ZNF385D: variants seen among roughly 807,000 people sequenced by gnomAD.
ZNF385D encodes zinc finger protein 659.
ZNF385D carries 15 observed loss-of-function variants against 35.8 expected under a neutral mutation model. The observed-to-expected ratio is 0.42, with a 90% CI of 0.28 to 0.64. The LOEUF (loss-of-function observed/expected upper bound fraction) is 0.64. Ranked by LOEUF, ZNF385D falls within the 30% of genes least tolerant of loss-of-function variation. ZNF385D has a pLI of 0.23. For missense variants in ZNF385D, 474 were observed against 494.6 expected (o/e 0.96, Z 0.39); for synonymous variants, 212 against 186.8 (o/e 1.13, Z -1.10).
upstream of ZNF385D, chr3:21,751,352 G>A (rs550189173): frequency 1.7e-5 from 18 of 1,046,790 alleles, no homozygotes; most frequent in African/African-American, 2.6e-4. Flanking sequence ...GGGAAGGGGC[G>A]GAGTGAGGGG....
exon 2 of ZNF385D, chr3:22,372,539 C>A: frequency 1.0e-6 from 1 of 985,862 alleles, no homozygotes; most frequent in Non-Finnish European, 1.2e-6. Flanking sequence ...GGCCGCCCGG[C>A]GCCCTGGCCC....
chr3:22,363,526 A>T (rs1696513235), intron 2 of ZNF385D, among the ~76,000 whole-genome samples: 1 of 152,188 alleles, frequency 6.6e-6, no homozygotes, highest in Admixed American at 6.5e-5. Flanking sequence ...GATGTTGTTC[A>T]CAGGGCCATT....
chr3:21,489,061 T>A (rs768110562), intron 4 of ZNF385D, among the ~76,000 whole-genome samples: 2 of 152,142 alleles, frequency 1.3e-5, no homozygotes, highest in Admixed American at 6.6e-5. Flanking sequence ...TAATGCTCTC[T>A]TTTGCTTTTA....
intron 2 of ZNF385D, among the ~76,000 whole-genome samples, chr3:21,624,221 GA>G (rs771672298): frequency 2.1e-4 from 32 of 151,970 alleles, no homozygotes; most frequent in Admixed American, 4.6e-4. Flanking sequence ...CACAGTTTTG[GA>G]AATTACAGTT....
chr3:21,469,055 G>A (rs1165210755), intron 4 of ZNF385D, among the ~76,000 whole-genome samples: 4 of 152,188 alleles, frequency 2.6e-5, no homozygotes, highest in Admixed American at 1.3e-4. Flanking sequence ...CTGTGCATGA[G>A]TAAAATTTCT....
intron 3 of ZNF385D, among the ~76,000 whole-genome samples, chr3:21,958,314 T>A (rs1702395368): frequency 1.3e-5 from 2 of 152,134 alleles, no homozygotes; most frequent in African/African-American, 4.8e-5. Context: ...AACATGGGCT[T>A]TGCTGTCAGG....
intron 3 of ZNF385D, among the ~76,000 whole-genome samples, chr3:21,886,498 T>C (rs1355958594): frequency 6.6e-6 from 1 of 152,102 alleles, no homozygotes; most frequent in Non-Finnish European, 1.5e-5. Context: ...CTGCTCATTG[T>C]GACTAACTCT....
At chr3:21,849,756 G>A in intron 3 of ZNF385D, 1 of 151,504 alleles carries the variant, frequency 6.6e-6, no homozygotes, top group East Asian at 1.9e-4. Context: ...TTTTCTAATT[G>A]AATATTATTG....
chr3:21,455,879 A>C (rs1287932017), intron 4 of ZNF385D, among the ~76,000 whole-genome samples: 3 of 150,954 alleles, frequency 2.0e-5, no homozygotes, highest in African/African-American at 4.8e-5. Context: ...CAATGAACTC[A>C]AACAAATTTA....
chr3:22,216,009 C>T (rs1451507493), intron 2 of ZNF385D, among the ~76,000 whole-genome samples: 2 of 152,000 alleles, frequency 1.3e-5, no homozygotes, highest in Admixed American at 1.3e-4. Flanking sequence ...TGGAATTGCT[C>T]CCAGTTCTGC....
chr3:22,317,168 T>C (rs1703935203), intron 2 of ZNF385D, among the ~76,000 whole-genome samples: 1 of 147,840 alleles, frequency 6.8e-6, no homozygotes, highest in African/African-American at 2.5e-5. Flanking sequence ...TTCCAGCTAC[T>C]CAGGAGGCTG....
At chr3:22,143,325 C>G (rs1468486250) in intron 3 of ZNF385D, among the ~76,000 whole-genome samples, 1 of 152,094 alleles carries the variant, frequency 6.6e-6, no homozygotes, top group African/African-American at 2.4e-5. Flanking sequence ...ACCTCCTGAT[C>G]TGCCCGCCTC....
intron 2 of ZNF385D, among the ~76,000 whole-genome samples, chr3:22,318,071 A>T (rs892955437): frequency 2.0e-5 from 3 of 152,096 alleles, no homozygotes; most frequent in African/African-American, 7.2e-5. Context: ...AAGAAAAAAA[A>T]AAAAATGTGA....
chr3:21,915,160 T>G (rs1239475866), intron 3 of ZNF385D, among the ~76,000 whole-genome samples: 1 of 152,122 alleles, frequency 6.6e-6, no homozygotes, highest in East Asian at 1.9e-4. Context: ...TCAGAAACTC[T>G]AGGTGCGTTA....
At chr3:22,070,170 A>G (rs1214382052) in intron 3 of ZNF385D, among the ~76,000 whole-genome samples, 4 of 152,146 alleles carry the variant, frequency 2.6e-5, no homozygotes, top group African/African-American at 4.8e-5. Flanking sequence ...TTTTCTAACA[A>G]CAAGCATTAT....
intron 2 of ZNF385D, among the ~76,000 whole-genome samples, chr3:22,241,600 C>T (rs1227080275): frequency 6.6e-6 from 1 of 151,052 alleles, no homozygotes; most frequent in Non-Finnish European, 1.5e-5. Context: ...AGCCCTCTGG[C>T]CCTTAACAAA....
At chr3:21,777,561 A>G (rs1236654689) in intron 3 of ZNF385D, 2 of 151,962 alleles carry the variant, frequency 1.3e-5, no homozygotes, top group East Asian at 1.9e-4. Flanking sequence ...GAAACACTGT[A>G]TGAACTTCAT....
intron 3 of ZNF385D, among the ~76,000 whole-genome samples, chr3:22,057,038 G>A (rs949700691): frequency 6.6e-6 from 1 of 152,204 alleles, no homozygotes; most frequent in African/African-American, 2.4e-5. Flanking sequence ...TCAGAAGTGA[G>A]AAGTAAAACA....
At chr3:22,026,813 T>G (rs1697583880) in intron 3 of ZNF385D, among the ~76,000 whole-genome samples, 1 of 152,220 alleles carries the variant, frequency 6.6e-6, no homozygotes, top group Non-Finnish European at 1.5e-5. Flanking sequence ...CATCAAGGAC[T>G]TGAAAGATGC....
Sources: gnomAD v4.1 joint callset for allele counts (sites outside exome capture counted in the v4.1 genomes callset) on GRCh38, gnomAD v4.1.1 for gene constraint, MANE v1.5 for transcripts, NCBI Gene and HGNC (gene_info 2026-07-23, HGNC 2026-07-21) for gene names.